USH2A: variants seen among roughly 807,000 people sequenced by gnomAD.
The protein encoded by USH2A is usherin.
A neutral mutation model predicts 538.9 loss-of-function variants in USH2A; 443 were observed. That is an observed-to-expected ratio of 0.82 (90% CI 0.76 to 0.89). The LOEUF is 0.89. USH2A is among the 40% of genes least tolerant of loss of function. The pLI, the probability that USH2A is intolerant of heterozygous loss-of-function variation, is 0.00. For missense variants in USH2A, 6,633 were observed against 6,324.8 expected (o/e 1.05, Z -1.65); for synonymous variants, 2,413 against 2,273.5 (o/e 1.06, Z -1.75).
At chr1:216,178,667 A>G (rs2102644437) in intron 20 of USH2A, among the ~76,000 whole-genome samples, 1 of 152,216 alleles carries the variant, frequency 6.6e-6, no homozygotes, top group East Asian at 1.9e-4. Context: ...CTAACCTAGT[A>G]ATATCCAATA....
In USH2A at chr1:216,231,073, T is replaced by A. The variant is rs530657832; in HGVS notation, c.2993+880A>T. ...ATTTACTTTCATAATATACTTTACA[T>A]ACTGAAAAAAATCATATCACAGAAT... On this transcript the variant is annotated intron_variant, in intron 14 of 71. Transcript: ENST00000307340. Among the ~76,000 whole-genome samples the A allele has an allele frequency of 1.8e-3, 273 of 150,044 alleles. 2 individuals are homozygous for A. Among genetic ancestry groups the A allele is most frequent in the African/African-American group, 6.4e-3 (261 of 40,850 alleles).
In USH2A at chr1:216,225,737, G is replaced by A. The variant is rs150872718; in HGVS notation, c.2993+6216C>T. 2.5e-3 allele frequency among the ~76,000 whole-genome samples: 386 copies of A among 152,222 alleles called. 2 individuals are homozygous for A. The highest frequency in any genetic ancestry group is 8.4e-3 in the African/African-American group (348 of 41,536). ...CTTGAATAATTATTTGAAGTTTTAC[G>A]TCTTTTTCACCAAGATGATGATAGC... is the stretch of plus-strand genomic sequence containing the variant. On this transcript the variant is annotated intron_variant, in intron 14 of 71. Transcript: ENST00000307340.
intron 32 of USH2A, among the ~76,000 whole-genome samples, chr1:216,020,651 C>A (rs1426680879): frequency 6.6e-6 from 1 of 152,054 alleles, no homozygotes; most frequent in African/African-American, 2.4e-5. Context: ...CCCAGAAAGA[C>A]CAAACCTTGA....
Position 216,046,701 on chromosome 1 carries a change from A to T in USH2A, c.6164-109T>A, listed in dbSNP as rs575270019. 8 of 1,313,800 alleles carry T rather than the reference A, an allele frequency of 6.1e-6. No homozygotes were observed. The African/African-American group carries it at 1.0e-4, about 17-fold the overall frequency. 81.4% of individuals were successfully genotyped at this position (1,313,800 alleles called of 1,614,324 possible). ...AATAAACCTGAAATCCCATGCATGG[A>T]AATATTCCCGATTCGTGGGCAGCTT... is the stretch of plus-strand genomic sequence containing the variant. On this transcript the variant is annotated intron_variant, in intron 31 of 71. Transcript: ENST00000307340.
At chr1:215,717,505 T>C (rs571379566) in intron 61 of USH2A, among the ~76,000 whole-genome samples, 1 of 152,188 alleles carries the variant, frequency 6.6e-6, no homozygotes, top group Non-Finnish European at 1.5e-5. Flanking sequence ...ATCAATACCA[T>C]GCATGACAAA....
chr1:216,096,447 C>T (rs963233237), intron 22 of USH2A, among the ~76,000 whole-genome samples: 1 of 152,230 alleles, frequency 6.6e-6, no homozygotes, highest in African/African-American at 2.4e-5. Context: ...TCCTGACCAA[C>T]TTTTCTTCAT....
intron 22 of USH2A, 65 bp from the exon 23 acceptor site, chr1:216,089,204 T>C (rs2032230748): frequency 6.5e-7 from 1 of 1,538,532 alleles, no homozygotes; most frequent in Non-Finnish European, 9.0e-7. Flanking sequence ...CACACACATA[T>C]TTGTTATAAA....
At chr1:215,931,577 G>A (rs894937972) in intron 38 of USH2A, among the ~76,000 whole-genome samples, 4 of 152,030 alleles carry the variant, frequency 2.6e-5, no homozygotes, top group African/African-American at 7.2e-5. Context: ...GTGGTGTACA[G>A]AGAAGGTCTC....
chr1:216,327,558 G>T, intron 5 of USH2A, 33 bp downstream of exon 5: 1 of 1,609,874 alleles, frequency 6.2e-7, no homozygotes, highest in Non-Finnish European at 8.5e-7. Flanking sequence ...TATCCTTTCG[G>T]TTCTTGAGGT....
chr1:215,692,946 C>A lies in USH2A; in HGVS notation c.12067-12570G>T, dbSNP rs146941613. ...TGAGACAGAGTCTCACTCTGTTGCC[C>A]GGGTTGGAGTATTGTGGCATGATCT... On this transcript the variant is annotated intron_variant, in intron 61 of 71. Transcript: ENST00000307340. Among the ~76,000 whole-genome samples, 553 of 151,506 alleles carry A rather than the reference C, an allele frequency of 3.7e-3. 3 individuals are homozygous for A. The highest frequency in any genetic ancestry group is 6.0e-3 in the Non-Finnish European group (405 of 67,892).
intron 19 of USH2A, chr1:216,194,051 C>T (rs2034781100): frequency 6.6e-6 from 1 of 152,258 alleles, no homozygotes; most frequent in South Asian, 2.1e-4. Flanking sequence ...TTTGTTGTTT[C>T]TGAAAGAGTT....
chr1:216,421,183 C>A (rs922751675), intron 2 of USH2A, among the ~76,000 whole-genome samples: 4 of 152,122 alleles, frequency 2.6e-5, no homozygotes, highest in Non-Finnish European at 5.9e-5. Context: ...GACCCAGACT[C>A]ATTGAAGGCA....
chr1:215,836,530 A>ATATATATAATATATATTATT (rs1663524402), intron 47 of USH2A, among the ~76,000 whole-genome samples: 1 of 26,494 alleles, frequency 3.8e-5, no homozygotes, highest in African/African-American at 1.4e-4. Flanking sequence ...TATATATTAT[A>ATATATATAATATATATTATT]TATATATATA....
intron 20 of USH2A, among the ~76,000 whole-genome samples, chr1:216,187,101 C>T (rs969987873): frequency 4.0e-5 from 6 of 151,880 alleles, no homozygotes; most frequent in Non-Finnish European, 7.4e-5. Flanking sequence ...TAAATATCTG[C>T]GAAAGTCTTT....
intron 30 of USH2A, among the ~76,000 whole-genome samples, chr1:216,060,884 G>A (rs2031155577): frequency 6.6e-6 from 1 of 152,222 alleles, no homozygotes; most frequent in Admixed American, 6.5e-5. Flanking sequence ...CGCCAGTCCT[G>A]TCTCTCTGGG....
At chr1:215,824,185 AT>A (rs1663092955) in intron 47 of USH2A, among the ~76,000 whole-genome samples, 2 of 151,972 alleles carry the variant, frequency 1.3e-5, no homozygotes, top group South Asian at 4.2e-4. Flanking sequence ...ACTTTAGTAT[AT>A]TTTCTTTTGG....
chr1:216,044,272 C>G (rs528178992), intron 32 of USH2A, among the ~76,000 whole-genome samples: 2 of 152,220 alleles, frequency 1.3e-5, no homozygotes, highest in African/African-American at 4.8e-5. Flanking sequence ...CATGTCTATT[C>G]TGGTTCTAAA....
chr1:216,116,267 A>G (rs2033006454), intron 21 of USH2A, among the ~76,000 whole-genome samples: 1 of 152,112 alleles, frequency 6.6e-6, no homozygotes, highest in African/African-American at 2.4e-5. Context: ...TACTTCATAA[A>G]ATTTATATTT....
At chr1:216,153,367 C>T (rs1401630515) in intron 21 of USH2A, among the ~76,000 whole-genome samples, 1 of 152,192 alleles carries the variant, frequency 6.6e-6, no homozygotes, top group East Asian at 1.9e-4. Flanking sequence ...GCTCCCACAC[C>T]TGCCCATCTG....
Sources: allele counts gnomAD v4.1 joint callset (sites outside exome capture counted in the v4.1 genomes callset), GRCh38; gene constraint gnomAD v4.1.1; transcripts MANE v1.5; gene names NCBI Gene and HGNC (gene_info 2026-07-23, HGNC 2026-07-21).